TEK: variants seen among roughly 807,000 people sequenced by gnomAD.
TEK encodes the protein angiopoietin-1 receptor.
A neutral mutation model predicts 131.8 loss-of-function variants in TEK; 43 were observed. The observed-to-expected ratio is 0.33, with a 90% confidence interval of 0.26 to 0.42. The LOEUF is 0.42. Among genes scored for constraint, TEK ranks in the 10% least tolerant of loss-of-function variants. The pLI, the probability that TEK is intolerant of heterozygous loss-of-function variation, is 1.00. For missense variants in TEK, 1,162 were observed against 1,384.4 expected (o/e 0.84, Z 2.55); for synonymous variants, 580 against 491.6 (o/e 1.18, Z -2.38).
At position 27,172,744 on chromosome 9, in the gene TEK, A is replaced by G; in HGVS notation, c.757A>G (p.Lys253Glu). 1 of 1,613,456 alleles carries G rather than the reference A, an allele frequency of 6.2e-7. No individual in the cohort carries two copies. The highest frequency in any genetic ancestry group is 8.5e-7 in the Non-Finnish European group (1 of 1,179,554). ...PPGFMGRTCE[K>E]ACELHTFGRT... ...TGGGTTTATGGGAAGGACGTGTGAGAAGGGTAAGTAAAGAGACTTGATAAG... is the reference window on the plus strand; with the variant it reads ...TGGGTTTATGGGAAGGACGTGTGAGGAGGGTAAGTAAAGAGACTTGATAAG... Residue 253 changes from lysine (K) to glutamate (E), a missense_variant, in exon 5 of 23, where the codon AAG becomes GAG. By Grantham distance (56) the Lys-to-Glu change is moderately conservative. Coordinates refer to ENST00000380036, the MANE Select transcript of TEK (RefSeq NM_000459.5).
At chr9:27,116,088 G>A (rs1233420118) in intron 1 of TEK, among the ~76,000 whole-genome samples, 5 of 152,144 alleles carry the variant, frequency 3.3e-5, no homozygotes, top group African/African-American at 1.2e-4. Flanking sequence ...ATAACAGGGG[G>A]CTTGAGAGAG....
At chr9:27,160,355 A>G (rs1282232140) in intron 2 of TEK, among the ~76,000 whole-genome samples, 1 of 152,102 alleles carries the variant, frequency 6.6e-6, no homozygotes, top group Non-Finnish European at 1.5e-5. Context: ...TAAGTAACAC[A>G]CCTCTGCACA....
chr9:27,149,630 T>C (rs919562234), intron 1 of TEK, among the ~76,000 whole-genome samples: 3 of 152,216 alleles, frequency 2.0e-5, no homozygotes, highest in Admixed American at 6.5e-5. Context: ...CTTTGAGCAA[T>C]TCTTGCTTAT....
chr9:27,172,969 T>C (rs1408704061), intron 5 of TEK, among the ~76,000 whole-genome samples: 4 of 152,116 alleles, frequency 2.6e-5, no homozygotes, highest in Non-Finnish European at 5.9e-5. Context: ...ATGTTTACAG[T>C]GTGAATGCTG....
At chr9:27,152,296 A>T (rs1270434035) in intron 1 of TEK, among the ~76,000 whole-genome samples, 1 of 152,142 alleles carries the variant, frequency 6.6e-6, no homozygotes, top group Non-Finnish European at 1.5e-5. Context: ...TAAGCCTGCG[A>T]TGCAATAATT....
intron 18 of TEK, 63 bp from the exon 19 acceptor site, chr9:27,217,625 C>G (rs892777236): frequency 4.3e-5 from 62 of 1,453,928 alleles, no homozygotes; most frequent in African/African-American, 7.0e-5. Flanking sequence ...ACAGCTCAGG[C>G]AGGCTGAGAG....
chr9:27,125,571 A>G (rs1821957044), intron 1 of TEK, among the ~76,000 whole-genome samples: 1 of 152,230 alleles, frequency 6.6e-6, no homozygotes, highest in African/African-American at 2.4e-5. Context: ...CCGGTGCCAG[A>G]TAAATCTGGG....
intron 12 of TEK, 132 bp downstream of exon 12, chr9:27,197,731 C>T: frequency 9.2e-7 from 1 of 1,083,230 alleles, no homozygotes; most frequent in Non-Finnish European, 1.4e-6. Flanking sequence ...CTAATTAGTG[C>T]CCCCCACCTA....
chr9:27,160,880 G>A (rs1224171180), intron 2 of TEK, among the ~76,000 whole-genome samples: 1 of 152,178 alleles, frequency 6.6e-6, no homozygotes, highest in Non-Finnish European at 1.5e-5. Flanking sequence ...AGCTATCATG[G>A]CTGAAAGTCA....
chr9:27,143,044 C>T (rs1276840427), intron 1 of TEK, among the ~76,000 whole-genome samples: 5 of 152,150 alleles, frequency 3.3e-5, no homozygotes, highest in Admixed American at 3.3e-4. Flanking sequence ...TTTAAAGAGC[C>T]GCTCTAGGGA....
intron 6 of TEK, among the ~76,000 whole-genome samples, chr9:27,175,634 T>G (rs1824140298): frequency 6.6e-6 from 1 of 151,796 alleles, no homozygotes; most frequent in African/African-American, 2.4e-5. Context: ...TTTCTCCACA[T>G]CCTCTCCAGC....
chr9:27,175,766 T>G (rs1824145211), intron 6 of TEK, among the ~76,000 whole-genome samples: 2 of 152,310 alleles, frequency 1.3e-5, no homozygotes, highest in Admixed American at 6.5e-5. Context: ...TCATGTGTCT[T>G]TTGGCTGCAT....
intron 12 of TEK, among the ~76,000 whole-genome samples, chr9:27,200,900 T>A (rs1825191218): frequency 6.6e-6 from 1 of 152,162 alleles, no homozygotes; most frequent in Admixed American, 6.5e-5. Context: ...GGTAAGTGAC[T>A]TGCCCAAAAT....
chr9:27,193,844 A>G (rs1450177505), intron 11 of TEK, among the ~76,000 whole-genome samples: 1 of 152,044 alleles, frequency 6.6e-6, no homozygotes, highest in Non-Finnish European at 1.5e-5. Context: ...TTGCTCTGTC[A>G]CTCAAGCTGG....
At chr9:27,137,724 C>T (rs67830363) in intron 1 of TEK, among the ~76,000 whole-genome samples, 78,323 of 151,754 alleles carry the variant, frequency 0.52, 21,150 homozygotes, top group African/African-American at 0.56. Context: ...CAAAGAGATC[C>T]CAGAGGCTCA....
At position 27,229,304 on chromosome 9, in the gene TEK, A is replaced by C; in HGVS notation, c.*72A>C. ...GACCCTTGACACCTGCTGAGAAAAC[A>C]TGCCTCTGCCAAAGGATGTGATATA... On this transcript the variant is annotated 3_prime_UTR_variant, in exon 23 of 23. Transcript: ENST00000380036. 7.0e-7 allele frequency: 1 copy of C among 1,430,790 alleles called. No homozygotes were observed. Among genetic ancestry groups the C allele is most frequent in the Non-Finnish European group, 9.9e-7 (1 of 1,013,892 alleles). The allele number at this position is 1,430,790 out of a possible 1,614,324, so 88.6% of individuals were successfully genotyped here.
chr9:27,121,854 A>G (rs1821803668), intron 1 of TEK, among the ~76,000 whole-genome samples: 1 of 152,210 alleles, frequency 6.6e-6, no homozygotes, highest in Non-Finnish European at 1.5e-5. Context: ...GTGTATGTGC[A>G]TGTGTATCCA....
Position 27,213,579 on chromosome 9 carries a change from G to A in TEK, c.2973G>A (p.Val991=). 1.2e-6 allele frequency: 2 copies of A among 1,613,686 alleles called. No homozygotes were observed. The highest frequency in any genetic ancestry group is 1.7e-6 in the Non-Finnish European group (2 of 1,179,650). ...TTGGATTGTCCCGAGGTCAAGAGGT[G>A]TATGTGAAAAAGACAATGGTAAGTG... The part of the protein sequence containing the change: ...ADFGLSRGQE[V]YVKKTMGRLP... Residue 991 remains valine (V), a synonymous_variant, in exon 18 of 23, where the codon GTG becomes GTA. Transcript: ENST00000380036.
intron 2 of TEK, among the ~76,000 whole-genome samples, chr9:27,162,903 A>G (rs1823594837): frequency 6.6e-6 from 1 of 152,068 alleles, no homozygotes; most frequent in African/African-American, 2.4e-5. Flanking sequence ...TTTAGTAGAG[A>G]CAGGGCTTTA....
Sources: gnomAD v4.1 joint callset for allele counts (sites outside exome capture counted in the v4.1 genomes callset) on GRCh38, gnomAD v4.1.1 for gene constraint, MANE v1.5 for transcripts, NCBI Gene and HGNC (gene_info 2026-07-23, HGNC 2026-07-21) for gene names.